COPS4: variants seen among roughly 807,000 people sequenced by gnomAD.
The protein encoded by COPS4 is COP9 signalosome complex subunit 4.
A neutral mutation model predicts 55.1 loss-of-function variants in COPS4; 8 were observed. The observed-to-expected ratio is 0.15, with a 90% CI of 0.09 to 0.26. COPS4 has a LOEUF of 0.26. Among genes scored for constraint, COPS4 ranks in the 10% least tolerant of loss-of-function variants. The pLI is 1.00. For synonymous variants in COPS4, 185 were observed against 165.7 expected (o/e 1.12, Z -0.90); for missense variants, 248 against 484.0 (o/e 0.51, Z 4.58).
Position 83,049,968 on chromosome 4 carries a change from T to C in COPS4, c.394T>C (p.Leu132=). 2 of 1,606,718 alleles carry C rather than the reference T, an allele frequency of 1.2e-6. No individual in the cohort carries two copies. Among genetic ancestry groups the C allele is most frequent in the Non-Finnish European group, 1.7e-6 (2 of 1,174,562 alleles). Residue 132 remains leucine, a synonymous_variant, in exon 4 of 10, where the codon TTG becomes CTG. Transcript: ENST00000264389. ...NAAQVLVGIP[L]ETGQKQYNVD... ...AGCCCAAGTGTTGGTGGGAATTCCT[T>C]TGGAAACAGGACAAAAGTATAGTAA...
At position 83,045,716 on chromosome 4, in the gene COPS4, T is replaced by A. The variant is rs771538052; in HGVS notation, c.154+11T>A. On this transcript the variant is annotated intron_variant, in intron 2 of 9. Coordinates refer to ENST00000264389, the MANE Select transcript of COPS4 (RefSeq NM_016129.3). ...CTTTTGTGGAAGCAAGTAAGTGAAA[T>A]GGAAATTTCATGCTTGCCTTGTATT... 3.8e-6 allele frequency: 6 copies of A among 1,598,398 alleles called. No individual in the cohort carries two copies. In the African/African-American group the frequency reaches 8.0e-5, roughly 21 times the overall value.
chr4:83,044,021 A>C (rs879333796), intron 1 of COPS4, among the ~76,000 whole-genome samples: 20 of 152,344 alleles, frequency 1.3e-4, no homozygotes, highest in Admixed American at 9.1e-4. Context: ...TGCCCTACAA[A>C]ATAAAAGTCA....
intron 9 of COPS4, among the ~76,000 whole-genome samples, chr4:83,069,054 G>GAA (rs1731357185): frequency 6.6e-6 from 1 of 151,790 alleles, no homozygotes; most frequent in Admixed American, 6.6e-5. Flanking sequence ...TCAAATTGTT[G>GAA]TATCAGTTCA....
chr4:83,070,885 A>G (rs1017796793), intron 9 of COPS4, among the ~76,000 whole-genome samples: 12 of 152,162 alleles, frequency 7.9e-5, no homozygotes, highest in African/African-American at 2.9e-4. Flanking sequence ...AAGTCTCCCA[A>G]AAGCTGGTCC....
chr4:83,051,013 C>T lies in COPS4; in HGVS notation c.410+1029C>T, dbSNP rs191891245. ...GTGGCTCACACCTATGGTCCAAGCA[C>T]TTTGGGAGGCTGAGGTGGGAGAAGA... On this transcript the variant is annotated intron_variant, in intron 4 of 9. Transcript: ENST00000264389. Among the ~76,000 whole-genome samples the T allele has an allele frequency of 4.0e-5, 6 of 150,898 alleles. No individual in the cohort carries two copies. The East Asian group carries it at 1.2e-3, about 29-fold the overall frequency.
In COPS4 at chr4:83,063,071, C is replaced by A; in HGVS notation, c.716-5C>A. ...TGAAATTTGATGCTCATTTATTTCT[C>A]TTAGGGCAGCAGCGTTCTCGGATGC... On this transcript the variant is annotated splice_polypyrimidine_tract_variant and splice_region_variant and intron_variant, in intron 6 of 9. Coordinates refer to ENST00000264389, the MANE Select transcript of COPS4 (RefSeq NM_016129.3). 1 of 1,533,628 alleles carries A rather than the reference C, an allele frequency of 6.5e-7. No individual in the cohort carries two copies. Among genetic ancestry groups the A allele is most frequent in the South Asian group, 1.3e-5 (1 of 78,216 alleles).
At chr4:83,037,416 AG>A (rs775487365) in intron 1 of COPS4, among the ~76,000 whole-genome samples, 9 of 152,216 alleles carry the variant, frequency 5.9e-5, no homozygotes, top group Non-Finnish European at 1.2e-4. Context: ...TTACTGTAGC[AG>A]TCTACCACAT....
intron 1 of COPS4, among the ~76,000 whole-genome samples, chr4:83,038,281 C>T (rs139666253): frequency 0.021 from 3,152 of 152,334 alleles, 44 homozygotes; most frequent in Non-Finnish European, 0.033. Flanking sequence ...ATTTAAAAAT[C>T]CTTAACAAGT....
At chr4:83,065,293 G>A (rs1731267671) in intron 7 of COPS4, 1 of 409,972 alleles carries the variant, frequency 2.4e-6, no homozygotes, top group Non-Finnish European at 4.3e-6. Context: ...AGAGATATGT[G>A]ATCATTATCA....
intron 9 of COPS4, among the ~76,000 whole-genome samples, chr4:83,070,918 G>A (rs1323636582): frequency 3.3e-4 from 50 of 152,092 alleles, no homozygotes; most frequent in Non-Finnish European, 1.5e-5. Context: ...GCTTTCTCTT[G>A]CATAAGTCTT....
intron 1 of COPS4, among the ~76,000 whole-genome samples, chr4:83,042,037 G>C (rs1320436570): frequency 1.3e-5 from 2 of 151,148 alleles, no homozygotes; most frequent in African/African-American, 4.9e-5. Context: ...GCTAATTTTT[G>C]TATTTTTAGT....
At chr4:83,073,346 C>A in intron 9 of COPS4, 1 of 655,166 alleles carries the variant, frequency 1.5e-6, no homozygotes, top group Non-Finnish European at 2.8e-6. Context: ...TCATCCATGT[C>A]ATGGCAGGTA....
intron 2 of COPS4, among the ~76,000 whole-genome samples, chr4:83,046,558 A>G (rs562492292): frequency 1.9e-3 from 290 of 152,364 alleles, no homozygotes; most frequent in African/African-American, 6.2e-3. Context: ...AATAAATTGG[A>G]TAGAAATATG....
intron 6 of COPS4, among the ~76,000 whole-genome samples, chr4:83,060,388 G>T (rs1385397650): frequency 1.4e-5 from 2 of 147,808 alleles, no homozygotes; most frequent in Non-Finnish European, 3.0e-5. Flanking sequence ...TTCCTCTGTC[G>T]CCCAGGCTGG....
At chr4:83,068,657 T>A (rs1224182127) in intron 9 of COPS4, 135 bp downstream of exon 9, 3 of 613,202 alleles carry the variant, frequency 4.9e-6, no homozygotes, top group Non-Finnish European at 8.5e-6. Context: ...AGAAATAATT[T>A]AAAATAATTT....
chr4:83,056,885 CA>C lies in COPS4; in HGVS notation c.411-37del, dbSNP rs1485674888. 2.0e-6 allele frequency: 3 copies of C among 1,496,490 alleles called. No homozygotes were observed. The African/African-American group carries it at 4.2e-5, about 21-fold the overall frequency. The allele number at this position is 1,496,490 out of a possible 1,614,324, so 92.7% of individuals were successfully genotyped here. A position where few individuals can be genotyped will look rare whatever the true frequency, so the allele number is the denominator to read the frequency against. On this transcript the variant is annotated intron_variant, in intron 4 of 9. Coordinates refer to ENST00000264389, the MANE Select transcript of COPS4 (RefSeq NM_016129.3). ...TCTATTATTCCTAAAATTTTCTTGA[CA>C]AAATGTTGAGTCATTATGTGTTTTT...
chr4:83,038,271 A>T (rs1424718382), intron 1 of COPS4, among the ~76,000 whole-genome samples: 1 of 152,246 alleles, frequency 6.6e-6, no homozygotes, highest in Non-Finnish European at 1.5e-5. Context: ...CATTACTTAC[A>T]TTTAAAAATC....
chr4:83,068,348 A>T, intron 8 of COPS4, 90 bp from the exon 9 acceptor site: 1 of 806,736 alleles, frequency 1.2e-6, no homozygotes, highest in Non-Finnish European at 2.1e-6. Context: ...TAGTGATGGT[A>T]GTTAAACCAG....
At chr4:83,054,896 G>A (rs1730978531) in intron 4 of COPS4, among the ~76,000 whole-genome samples, 1 of 152,118 alleles carries the variant, frequency 6.6e-6, no homozygotes, top group South Asian at 2.1e-4. Context: ...GATTCATTCT[G>A]ATTATGAAAG....
Sources: gnomAD v4.1 joint callset for allele counts (sites outside exome capture counted in the v4.1 genomes callset) on GRCh38, gnomAD v4.1.1 for gene constraint, MANE v1.5 for transcripts, NCBI Gene and HGNC (gene_info 2026-07-23, HGNC 2026-07-21) for gene names.